HMGA2: variants seen among roughly 807,000 people sequenced by gnomAD.
The protein encoded by HMGA2 is high mobility group protein HMGI-C.
In HMGA2, 8 loss-of-function variants were observed where a neutral mutation model predicts 19.1. That is an observed-to-expected ratio of 0.42 (90% CI 0.25 to 0.76). The LOEUF is 0.76. HMGA2 is among the 30% of genes least tolerant of loss of function. The pLI is 0.28. For missense variants in HMGA2, 109 were observed against 136.3 expected, an observed-to-expected ratio of 0.80 and a Z score of 1.00; for synonymous variants, 60 against 48.8, an observed-to-expected ratio of 1.23 and a Z score of -0.96.
rs1565697835 is a variant in HMGA2 at position 65,825,004 on chromosome 12, C to T, written c.-267C>T. 2.4e-6 allele frequency: 1 copy of T among 422,490 alleles called. No individual in the cohort carries two copies. The highest frequency in any genetic ancestry group is 4.0e-5 in the East Asian group (1 of 24,976). The allele number at this position is 422,490 out of a possible 1,614,324, so 26.2% of individuals were successfully genotyped here. ...TCCACCGCCACCTCCACCTCCGGCA[C>T]CCACCCACCGCCGCCGCCGCCACCG... On this transcript the variant is annotated 5_prime_UTR_variant, in exon 1 of 5. Transcript: ENST00000403681. The surrounding 1 kb of genome is among the most constrained non-coding windows in gnomAD (Gnocchi z 4.4).
intron 3 of HMGA2, among the ~76,000 whole-genome samples, chr12:65,944,671 C>A (rs149920392): frequency 5.3e-5 from 8 of 152,238 alleles, no homozygotes; most frequent in African/African-American, 1.7e-4. Flanking sequence ...ATTAGAAAGA[C>A]CTTATCTTGA....
intron 3 of HMGA2, among the ~76,000 whole-genome samples, chr12:65,941,318 G>T (rs974997311): frequency 2.0e-5 from 3 of 152,196 alleles, no homozygotes; most frequent in Non-Finnish European, 2.9e-5. Flanking sequence ...CAGGAAGAAG[G>T]TATCCTCTGG....
At chr12:65,862,914 G>A (rs567272657) in intron 3 of HMGA2, among the ~76,000 whole-genome samples, 1 of 152,370 alleles carries the variant, frequency 6.6e-6, no homozygotes, top group Admixed American at 6.5e-5. Context: ...ACGGCAGTAT[G>A]TGGACCAGTG....
In HMGA2 at chr12:65,965,180, A is replaced by G. The variant is rs1876872840; in HGVS notation, c.*1888A>G. The G allele has an allele frequency of 5.0e-6, 1 of 199,794 alleles. No homozygotes were observed. Among genetic ancestry groups the G allele is most frequent in the African/African-American group, 2.3e-5 (1 of 43,438 alleles). 12.4% of individuals were successfully genotyped at this position (199,794 alleles called of 1,614,324 possible). ...AGAAACTTGAAGCTTTGTAGGTGAGATGCAACAAGCCCTGCTTTTGCATAA... is the reference window on the plus strand; with the variant it reads ...AGAAACTTGAAGCTTTGTAGGTGAGGTGCAACAAGCCCTGCTTTTGCATAA... On this transcript the variant is annotated 3_prime_UTR_variant, in exon 5 of 5. Coordinates refer to ENST00000403681, the MANE Select transcript of HMGA2 (RefSeq NM_003483.6).
intron 3 of HMGA2, among the ~76,000 whole-genome samples, chr12:65,854,836 C>G (rs1166647905): frequency 1.3e-5 from 2 of 152,196 alleles, no homozygotes; most frequent in African/African-American, 4.8e-5. Flanking sequence ...CTTTGCATGA[C>G]TGTAGGAATG....
At chr12:65,902,088 A>G (rs1487068282) in intron 3 of HMGA2, among the ~76,000 whole-genome samples, 1 of 152,190 alleles carries the variant, frequency 6.6e-6, no homozygotes, top group Non-Finnish European at 1.5e-5. Flanking sequence ...CTCTGCACCA[A>G]TATAAGGAGG....
At chr12:65,850,433 C>A (rs1160941351) in intron 3 of HMGA2, among the ~76,000 whole-genome samples, 2 of 151,896 alleles carry the variant, frequency 1.3e-5, no homozygotes, top group South Asian at 2.1e-4. Flanking sequence ...TATATTATTG[C>A]TTTAATAGAA....
intron 3 of HMGA2, among the ~76,000 whole-genome samples, chr12:65,933,805 AC>A (rs1326976770): frequency 6.6e-6 from 1 of 152,186 alleles, no homozygotes; most frequent in African/African-American, 2.4e-5. Context: ...ATGATTATTA[AC>A]CATTTGTAAG....
At chr12:65,842,490 G>A (rs1000284825) in intron 3 of HMGA2, 5 of 910,120 alleles carry the variant, frequency 5.5e-6, no homozygotes, top group East Asian at 5.3e-5. Context: ...ACCCTTGACA[G>A]TATCATTATG....
chr12:65,825,042 C>T lies in HMGA2; in HGVS notation c.-229C>T, dbSNP rs1167328479. On this transcript the variant is annotated 5_prime_UTR_variant, in exon 1 of 5. Transcript: ENST00000403681. The surrounding 1 kb of genome is among the most constrained non-coding windows in gnomAD (Gnocchi z 4.4). The stretch of plus-strand genomic sequence containing the variant: ...GCCGCCGCCACCGGCAGCGCCTCCT[C>T]CTCTCCTCCTCCTCCTCCCCTCTTC... 3.8e-5 allele frequency: 17 copies of T among 452,854 alleles called. No homozygotes were observed. The East Asian group carries it at 5.9e-4, about 16-fold the overall frequency. The allele number at this position is 452,854 out of a possible 1,614,324, so 28.1% of individuals were successfully genotyped here.
At chr12:65,927,326 G>C (rs1875543022) in intron 3 of HMGA2, among the ~76,000 whole-genome samples, 1 of 152,164 alleles carries the variant, frequency 6.6e-6, no homozygotes, top group Non-Finnish European at 1.5e-5. Context: ...CAGGCTCCAG[G>C]AAGGGATCAC....
chr12:65,896,464 A>T (rs542313943), intron 3 of HMGA2, among the ~76,000 whole-genome samples: 27 of 152,334 alleles, frequency 1.8e-4, no homozygotes, highest in Middle Eastern at 6.8e-3. Flanking sequence ...ACTGGGTAAC[A>T]TTACCAGAGG....
intron 3 of HMGA2, among the ~76,000 whole-genome samples, chr12:65,865,633 CTTTTTTT>C (rs952845162): frequency 3.0e-5 from 4 of 131,802 alleles, no homozygotes; most frequent in Admixed American, 2.3e-4. Context: ...ATCTATTTTT[CTTTTTTT>C]TTTTTTTTTT....
intron 3 of HMGA2, among the ~76,000 whole-genome samples, chr12:65,931,463 A>T (rs1467670540): frequency 6.6e-6 from 1 of 152,056 alleles, no homozygotes; most frequent in Non-Finnish European, 1.5e-5. Context: ...AGAGATTTTC[A>T]CACACATAAA....
At chr12:65,958,045 C>T (rs1175521947) in intron 4 of HMGA2, 1 of 152,194 alleles carries the variant, frequency 6.6e-6, no homozygotes, top group Non-Finnish European at 1.5e-5. Context: ...TCTTACACAA[C>T]TCTGCAGTGT....
At chr12:65,878,127 C>T (rs2121079254) in intron 3 of HMGA2, among the ~76,000 whole-genome samples, 1 of 152,316 alleles carries the variant, frequency 6.6e-6, no homozygotes, top group African/African-American at 2.4e-5. Context: ...CTGGAAGCGC[C>T]ATTCACACAT....
chr12:65,896,123 C>G (rs1874117825), intron 3 of HMGA2, among the ~76,000 whole-genome samples: 1 of 152,204 alleles, frequency 6.6e-6, no homozygotes, highest in Non-Finnish European at 1.5e-5. Flanking sequence ...TCATCCTTAT[C>G]AGACTAATGG....
intron 3 of HMGA2, among the ~76,000 whole-genome samples, chr12:65,854,411 C>T (rs1462238064): frequency 3.3e-5 from 5 of 152,282 alleles, no homozygotes; most frequent in Middle Eastern, 3.4e-3. Context: ...TTTTGTAAAA[C>T]TGTAGAACAA....
chr12:65,882,535 G>A (rs898344067), intron 3 of HMGA2, among the ~76,000 whole-genome samples: 1 of 152,206 alleles, frequency 6.6e-6, no homozygotes, highest in Admixed American at 6.5e-5. Flanking sequence ...CAAGCCAGGA[G>A]TAGAAATGTC....
Sources: allele counts gnomAD v4.1 joint callset (sites outside exome capture counted in the v4.1 genomes callset), GRCh38; gene constraint gnomAD v4.1.1; non-coding constraint Gnocchi (gnomAD v3.1); transcripts MANE v1.5; gene names NCBI Gene and HGNC (gene_info 2026-07-23, HGNC 2026-07-21).